ZNF514: variants seen among roughly 807,000 people sequenced by gnomAD.
The protein encoded by ZNF514 is zinc finger protein 514.
ZNF514 carries 12 observed loss-of-function variants against 9.7 expected under a neutral mutation model. The observed-to-expected ratio is 1.24, with a 90% CI of 0.79 to 2.01. The LOEUF (loss-of-function observed/expected upper bound fraction) is 2.01. Among genes scored for constraint, ZNF514 ranks in the 30% most tolerant of loss-of-function variants. ZNF514 has a pLI of 0.00. For synonymous variants in ZNF514, 158 were observed against 163.7 expected (o/e 0.97, Z 0.27); for missense variants, 467 against 465.5 (o/e 1.00, Z -0.03).
Position 95,149,296 on chromosome 2 carries a change from T to C in ZNF514, c.1189A>G (p.Lys397Glu), listed in dbSNP as rs865791638. 6.4e-7 allele frequency: 1 copy of C among 1,574,554 alleles called. No homozygotes were observed. The highest frequency in any genetic ancestry group is 1.2e-5 in the South Asian group (1 of 84,472). The part of the protein sequence containing the change: ...LIKHQRSHAG[K>E]KTL ...ATTCACTGAATTTATAGGGTTTTTT[T>C]TCCAGCATGACTTCTCTGATGTTTA... The change falls in exon 5 of 5, where the codon AAA becomes GAA. Residue 397 changes from lysine to glutamate, a missense_variant. Physicochemically the swap from Lys to Glu is moderately conservative, Grantham distance 56. Coordinates refer to ENST00000295208, the MANE Select transcript of ZNF514 (RefSeq NM_032788.3).
chr2:95,159,112 C>T (rs766697654), intron 1 of ZNF514, 128 bp downstream of exon 1: 2 of 996,642 alleles, frequency 2.0e-6, no homozygotes, highest in African/African-American at 1.7e-5. Flanking sequence ...CACGGGGCAT[C>T]CCCACTAGGC....
At chr2:95,129,951 T>A in the ZNF514 span, among the ~76,000 whole-genome samples, 1 of 152,182 alleles carries the variant, frequency 6.6e-6, no homozygotes, top group Non-Finnish European at 1.5e-5. Flanking sequence ...AAGAGACACC[T>A]AAGAGGCCTC....
chr2:95,123,842 G>C, the ZNF514 span, among the ~76,000 whole-genome samples: 1 of 152,164 alleles, frequency 6.6e-6, no homozygotes, highest in African/African-American at 2.4e-5. Context: ...AAGGCCCAAA[G>C]CAAGTTTTGA....
Position 95,149,217 on chromosome 2 carries a change from T to A in ZNF514, c.*65A>T. ...TTACACCTTTAGGATCTCTCTCTGA[T>A]ATGAATTCTTTAAGTTCCAGTGATG... On this transcript the variant is annotated 3_prime_UTR_variant, in exon 5 of 5. Transcript: ENST00000295208. The A allele has an allele frequency of 6.6e-7, 1 of 1,504,864 alleles. No individual in the cohort carries two copies. Among genetic ancestry groups the A allele is most frequent in the Non-Finnish European group, 8.9e-7 (1 of 1,125,964 alleles). The allele number at this position is 1,504,864 out of a possible 1,614,324, so 93.2% of individuals were successfully genotyped here. A position where few individuals can be genotyped will look rare whatever the true frequency, so the allele number is the denominator to read the frequency against.
chr2:95,140,871 G>A (rs1261923196), downstream of ZNF514, among the ~76,000 whole-genome samples: 1 of 151,420 alleles, frequency 6.6e-6, no homozygotes, highest in Non-Finnish European at 1.5e-5. Context: ...GCTACTCGGG[G>A]GGCTGAGGCA....
intron 4 of ZNF514, 28 bp from the exon 5 acceptor site, chr2:95,150,295 G>C: frequency 8.2e-7 from 1 of 1,220,736 alleles, no homozygotes; most frequent in Admixed American, 2.4e-5. Context: ...AAAAAAAGAA[G>C]ACATTCTAGT....
In ZNF514 at chr2:95,148,187, T is replaced by C. The variant is rs1388008784; in HGVS notation, c.*1095A>G. On this transcript the variant is annotated 3_prime_UTR_variant, in exon 5 of 5. Coordinates refer to ENST00000295208, the MANE Select transcript of ZNF514 (RefSeq NM_032788.3). ...AAGAGGCCCAGCCCAGTTAGGACTA[T>C]AGGCCAAGGCATGTCACTTTCTGAA... The C allele has an allele frequency of 1.3e-5, 2 of 152,228 alleles. No individual in the cohort carries two copies. The highest frequency in any genetic ancestry group is 1.9e-4 in the East Asian group (1 of 5,196). 9.4% of individuals were successfully genotyped at this position (152,228 alleles called of 1,614,324 possible). A position where few individuals can be genotyped will look rare whatever the true frequency, so the allele number is the denominator to read the frequency against.
intron 2 of ZNF514, among the ~76,000 whole-genome samples, chr2:95,156,954 C>T (rs566185221): frequency 1.3e-5 from 2 of 152,300 alleles, no homozygotes; most frequent in South Asian, 2.1e-4. Context: ...TTCCCCTTTT[C>T]GTGAACCTCG....
At chr2:95,151,950 TC>T (rs1319759690) in intron 4 of ZNF514, among the ~76,000 whole-genome samples, 1 of 152,214 alleles carries the variant, frequency 6.6e-6, no homozygotes, top group Non-Finnish European at 1.5e-5. Flanking sequence ...CAGCCTATCC[TC>T]TCAGGAATTT....
chr2:95,141,486 T>C (rs1673221146), downstream of ZNF514, among the ~76,000 whole-genome samples: 1 of 152,166 alleles, frequency 6.6e-6, no homozygotes, highest in Non-Finnish European at 1.5e-5. Flanking sequence ...TTAGGGATTT[T>C]ACCTCCAATA....
Position 95,145,688 on chromosome 2 carries a change from A to G in ZNF514, c.*3594T>C, listed in dbSNP as rs1267400609. On this transcript the variant is annotated 3_prime_UTR_variant, in exon 5 of 5. Coordinates refer to ENST00000295208, the MANE Select transcript of ZNF514 (RefSeq NM_032788.3). ...GCTTCAAGTTGTCCTGCCTTTCTCCATCGAACCAATGTAAATCTTACATGT... is the reference window on the plus strand; with the variant it reads ...GCTTCAAGTTGTCCTGCCTTTCTCCGTCGAACCAATGTAAATCTTACATGT... Among the ~76,000 whole-genome samples the G allele has an allele frequency of 6.6e-6, 1 of 152,166 alleles. No individual in the cohort carries two copies. The highest frequency in any genetic ancestry group is 1.5e-5 in the Non-Finnish European group (1 of 68,030).
At chr2:95,126,108 C>T in the ZNF514 span, among the ~76,000 whole-genome samples, 11 of 152,076 alleles carry the variant, frequency 7.2e-5, no homozygotes, top group African/African-American at 2.2e-4. Flanking sequence ...TGGTGGCTCA[C>T]GCCTGTAATC....
chr2:95,140,585 C>A (rs1188685375), downstream of ZNF514, among the ~76,000 whole-genome samples: 2 of 152,040 alleles, frequency 1.3e-5, no homozygotes, highest in Non-Finnish European at 2.9e-5. Context: ...TGCACTCCAA[C>A]CCGGTTGACG....
intron 1 of ZNF514, among the ~76,000 whole-genome samples, chr2:95,157,981 C>T (rs1673733039): frequency 6.6e-6 from 1 of 152,170 alleles, no homozygotes; most frequent in African/African-American, 2.4e-5. Context: ...CACTTGAGAG[C>T]TCCTTCATTA....
rs1406701989 is a variant in ZNF514, at chr2:95,149,271, A to T, written c.*11T>A. On this transcript the variant is annotated 3_prime_UTR_variant, in exon 5 of 5. Coordinates refer to ENST00000295208, the MANE Select transcript of ZNF514 (RefSeq NM_032788.3). ...GCACTCCAGCTGAAAGCCCTTCTATATTCACTGAATTTATAGGGTTTTTTT... is the reference window on the plus strand; with the variant it reads ...GCACTCCAGCTGAAAGCCCTTCTATTTTCACTGAATTTATAGGGTTTTTTT... 6.4e-7 allele frequency: 1 copy of T among 1,552,448 alleles called. No homozygotes were observed. The highest frequency in any genetic ancestry group is 8.7e-7 in the Non-Finnish European group (1 of 1,152,732).
intron 1 of ZNF514, chr2:95,158,920 C>T (rs1345691663): frequency 3.9e-6 from 5 of 1,289,702 alleles, no homozygotes; most frequent in Non-Finnish European, 5.1e-6. Flanking sequence ...TCGGTACTAG[C>T]TCCCCAAGAG....
the ZNF514 span, among the ~76,000 whole-genome samples, chr2:95,139,305 C>T: frequency 0.79 from 119,543 of 152,148 alleles, 47,258 homozygotes; most frequent in African/African-American, 0.84. Flanking sequence ...GGGGCTATTG[C>T]CCTCCAGATT....
chr2:95,158,740 C>A, intron 1 of ZNF514: 1 of 1,097,826 alleles, frequency 9.1e-7, no homozygotes, highest in South Asian at 1.6e-5. Flanking sequence ...TGGCCATCCC[C>A]TCCACCTCCG....
At chr2:95,129,447 A>G in the ZNF514 span, among the ~76,000 whole-genome samples, 1 of 152,198 alleles carries the variant, frequency 6.6e-6, no homozygotes, top group Non-Finnish European at 1.5e-5. Context: ...CTCCCAATCA[A>G]GGGATGTGGT....
Sources: allele counts gnomAD v4.1 joint callset (sites outside exome capture counted in the v4.1 genomes callset), GRCh38; gene constraint gnomAD v4.1.1; transcripts MANE v1.5; gene names NCBI Gene and HGNC (gene_info 2026-07-23, HGNC 2026-07-21).